FAM83G: variants seen among roughly 807,000 people sequenced by gnomAD.
FAM83G encodes the protein scaffolding CK1 anchoring protein G.
A neutral mutation model predicts 61.5 loss-of-function variants in FAM83G; 38 were observed. That is an observed-to-expected ratio of 0.62 (90% confidence interval 0.48 to 0.81). The LOEUF (loss-of-function observed/expected upper bound fraction) is 0.81. Among genes scored for constraint, FAM83G ranks in the 30% least tolerant of loss-of-function variants. FAM83G has a pLI of 0.00. For missense variants in FAM83G, 989 were observed against 1,133.6 expected (o/e 0.87, Z 1.83); for synonymous variants, 470 against 476.1 (o/e 0.99, Z 0.17).
intron 2 of FAM83G, among the ~76,000 whole-genome samples, chr17:18,991,047 G>T (rs1257277582): frequency 6.6e-6 from 1 of 152,100 alleles, no homozygotes; most frequent in African/African-American, 2.4e-5. Context: ...CTGTTACCTT[G>T]TTCAGGCCTC....
Position 19,004,120 on chromosome 17 carries a change from G to T in FAM83G, c.-79C>A. On this transcript the variant is annotated 5_prime_UTR_variant, in exon 2 of 6. Coordinates refer to ENST00000388995, the MANE Select transcript of FAM83G (RefSeq NM_001039999.3). The surrounding 1 kb of genome is among the most constrained non-coding windows in gnomAD (Gnocchi z 5.4). ...CTAGCTCCGGCCCAGCTGGGGCACC[G>T]CGCGCTCGGGGGCCTCTCCGCGGCC... 1 of 1,413,132 alleles carries T rather than the reference G, an allele frequency of 7.1e-7. No individual in the cohort carries two copies. The highest frequency in any genetic ancestry group is 1.4e-5 in the South Asian group (1 of 72,162). The allele number at this position is 1,413,132 out of a possible 1,614,324, so 87.5% of individuals were successfully genotyped here. A position where few individuals can be genotyped will look rare whatever the true frequency, so the allele number is the denominator to read the frequency against.
chr17:18,999,879 C>T (rs1041054626), intron 2 of FAM83G, among the ~76,000 whole-genome samples: 3 of 152,244 alleles, frequency 2.0e-5, no homozygotes, highest in African/African-American at 7.2e-5. Context: ...GTGATCTGTC[C>T]CTGCCCTGGG....
At position 18,979,625 on chromosome 17, in the gene FAM83G, C is replaced by T. The variant is rs780984602; in HGVS notation, c.739G>A (p.Ala247Thr). Residue 247 changes from alanine to threonine, a missense_variant, in exon 4 of 6, where the codon GCA becomes ACA. Coordinates refer to ENST00000388995, the MANE Select transcript of FAM83G (RefSeq NM_001039999.3). ...GCCAGGGCACCCTTGAACTTGGTTG[C>T]CGACCGCGTGAAGAACTCAGTTCCC... ...SGGTEFFTRS[A>T]TKFKGALAQK... 1.9e-6 allele frequency: 3 copies of T among 1,613,514 alleles called. No individual in the cohort carries two copies. The highest frequency in any genetic ancestry group is 3.3e-5 in the Admixed American group (2 of 60,016).
At chr17:18,999,439 C>T (rs8076985) in intron 2 of FAM83G, among the ~76,000 whole-genome samples, 9,614 of 152,150 alleles carry the variant, frequency 0.063, 1,012 homozygotes, top group African/African-American at 0.22. Flanking sequence ...CTGGGGGTCT[C>T]GGCCCAGTCC....
At chr17:18,982,350 G>A (rs1567794136) in intron 3 of FAM83G, among the ~76,000 whole-genome samples, 1 of 152,208 alleles carries the variant, frequency 6.6e-6, no homozygotes, top group African/African-American at 2.4e-5. Flanking sequence ...CCCACCCCAC[G>A]GGGCCTGGCC....
At chr17:18,997,181 G>C (rs1044356043) in intron 2 of FAM83G, among the ~76,000 whole-genome samples, 1 of 152,256 alleles carries the variant, frequency 6.6e-6, no homozygotes, top group African/African-American at 2.4e-5. Flanking sequence ...ATCATGCCCA[G>C]AGCGCTCTGA....
chr17:18,982,195 G>A (rs1368205036), intron 3 of FAM83G, among the ~76,000 whole-genome samples: 1 of 152,244 alleles, frequency 6.6e-6, no homozygotes, highest in African/African-American at 2.4e-5. Flanking sequence ...CCCTTGCTGG[G>A]CCTTAGTCTC....
At chr17:18,987,170 A>G (rs767482669) in intron 3 of FAM83G, among the ~76,000 whole-genome samples, 6 of 152,212 alleles carry the variant, frequency 3.9e-5, no homozygotes, top group Admixed American at 6.5e-5. Context: ...TCCTAGGACC[A>G]CAAGCCTGAA....
At position 18,977,736 on chromosome 17, in the gene FAM83G, G is replaced by A. The variant is rs367677167; in HGVS notation, c.1930C>T (p.Pro644Ser). The A allele has an allele frequency of 5.0e-6, 8 of 1,607,770 alleles. No homozygotes were observed. In the African/African-American group the frequency reaches 8.0e-5, roughly 16 times the overall value. The change falls in exon 5 of 6, where the codon CCA (proline) becomes TCA (serine). Residue 644 changes from proline to serine, a missense_variant. Transcript: ENST00000388995. Reference sequence around the variant, plus strand: ...GGGGCACTCAGCTGCCGGCGCGGTGGTGGGGTTGGCCCGTTGGCCACTTGC... The same window carrying A: ...GGGGCACTCAGCTGCCGGCGCGGTGATGGGGTTGGCCCGTTGGCCACTTGC... ...SEQVANGPTP[P>S]PRRQLSAPHI...
chr17:18,986,702 C>T (rs1003089080), intron 3 of FAM83G, among the ~76,000 whole-genome samples: 1 of 152,210 alleles, frequency 6.6e-6, no homozygotes, highest in African/African-American at 2.4e-5. Flanking sequence ...GGTTAGGGTC[C>T]CTGCTCCAAA....
Position 18,979,646 on chromosome 17 carries a change from T to C in FAM83G, c.718A>G (p.Thr240Ala), listed in dbSNP as rs1663405682. The C allele has an allele frequency of 2.5e-6, 4 of 1,613,412 alleles. No individual in the cohort carries two copies. The highest frequency in any genetic ancestry group is 3.4e-6 in the Non-Finnish European group (4 of 1,179,938). The change falls in exon 4 of 6, where the codon ACT becomes GCT. Residue 240 changes from threonine (T) to alanine (A), a missense_variant. This residue lies in a region of FAM83G where 371 missense variants were observed against 404.5 expected (regional missense o/e 0.92). Coordinates refer to ENST00000388995, the MANE Select transcript of FAM83G (RefSeq NM_001039999.3). ...KNLRVRSSGG[T>A]EFFTRSATKF... ...GTTGCCGACCGCGTGAAGAACTCAG[T>C]TCCCCCGCTGCTCCGCACTCTGAGA...
rs1171278133 is a variant in FAM83G at position 18,968,840 on chromosome 17, CCT to C, written c.*2517_*2518del. The C allele has an allele frequency of 5.2e-6, 3 of 575,156 alleles. No homozygotes were observed. The highest frequency in any genetic ancestry group is 9.3e-6 in the Non-Finnish European group (3 of 324,208). The allele number at this position is 575,156 out of a possible 1,614,324, so 35.6% of individuals were successfully genotyped here. A position where few individuals can be genotyped will look rare whatever the true frequency, so the allele number is the denominator to read the frequency against. Reference sequence around the variant, plus strand: ...GACTTTATTAGCAACAGTAATGTCCCCTGACATCCGCACAAGCTTGTAGCTCC... The same window carrying C: ...GACTTTATTAGCAACAGTAATGTCCCGACATCCGCACAAGCTTGTAGCTCC... On this transcript the variant is annotated 3_prime_UTR_variant, in exon 6 of 6. Coordinates refer to ENST00000388995, the MANE Select transcript of FAM83G (RefSeq NM_001039999.3). The surrounding 1 kb of genome is among the most constrained non-coding windows in gnomAD (Gnocchi z 4.1).
intron 5 of FAM83G, among the ~76,000 whole-genome samples, chr17:18,973,856 C>T (rs1287635646): frequency 1.3e-5 from 2 of 149,268 alleles, no homozygotes; most frequent in East Asian, 3.9e-4. Context: ...TGCCACCACA[C>T]TCGGCTAATT....
chr17:18,979,767 C>T (rs2043082619), intron 3 of FAM83G, 94 bp from the exon 4 acceptor site: 1 of 1,440,494 alleles, frequency 6.9e-7, no homozygotes, highest in African/African-American at 1.4e-5. Context: ...TCAGAGGGGA[C>T]TCTGGAGTAG....
In FAM83G at chr17:18,978,092, C is replaced by T; in HGVS notation, c.1574G>A (p.Trp525Ter). ...TTCCTCTTTGGGGAGCTCCAGGACC[C>T]AGCCAATATCACTGCTGTCCCGGGC... is the stretch of plus-strand genomic sequence containing the variant. ...VLARDSSDIG[W>*]VLELPKEEAP... is the part of the protein sequence containing the mutation. Residue 525 changes from tryptophan to a stop codon, truncating the protein, a stop_gained, in exon 5 of 6, where the codon TGG (tryptophan) becomes TAG (stop). Coordinates refer to ENST00000388995, the MANE Select transcript of FAM83G (RefSeq NM_001039999.3). LOFTEE classifies it high-confidence loss of function. 2 of 1,516,034 alleles carry T rather than the reference C, an allele frequency of 1.3e-6. No individual in the cohort carries two copies. Among genetic ancestry groups the T allele is most frequent in the Non-Finnish European group, 1.8e-6 (2 of 1,135,842 alleles). 93.9% of individuals were successfully genotyped at this position (1,516,034 alleles called of 1,614,324 possible).
At position 18,977,844 on chromosome 17, in the gene FAM83G, G is replaced by A. The variant is rs1212811913; in HGVS notation, c.1822C>T (p.Arg608Trp). The part of the protein sequence containing the change: ...GSSGRGPGPR[R>W]PSVASSVSEE... ...GACACAGAGGAAGCCACTGAGGGCC[G>A]TCGGGGGCCAGGGCCACGGCCGGAG... The change falls in exon 5 of 6, where the codon CGG (arginine) becomes TGG (tryptophan). Residue 608 changes from arginine to tryptophan, a missense_variant. Physicochemically the swap from Arg to Trp is moderately radical, Grantham distance 101. Around this residue, in one of 3 missense-constraint regions of FAM83G, gnomAD observed 574 missense variants for 645.1 expected, o/e 0.89. Coordinates refer to ENST00000388995, the MANE Select transcript of FAM83G (RefSeq NM_001039999.3). 4 of 1,610,778 alleles carry A rather than the reference G, an allele frequency of 2.5e-6. No individual in the cohort carries two copies. The highest frequency in any genetic ancestry group is 1.7e-5 in the Admixed American group (1 of 59,904).
At chr17:18,984,752 C>G (rs1452201009) in intron 3 of FAM83G, among the ~76,000 whole-genome samples, 1 of 152,228 alleles carries the variant, frequency 6.6e-6, no homozygotes, top group East Asian at 1.9e-4. Context: ...AGTATCACCC[C>G]CAAAAGCAGC....
At chr17:18,979,132 C>G in intron 4 of FAM83G, 1 of 542,970 alleles carries the variant, frequency 1.8e-6, no homozygotes, top group South Asian at 2.2e-5. Flanking sequence ...GCCCTGGACA[C>G]TGTGGGGGGT....
intron 3 of FAM83G, among the ~76,000 whole-genome samples, chr17:18,981,984 C>T (rs1371886976): frequency 6.6e-6 from 1 of 152,240 alleles, no homozygotes; most frequent in Non-Finnish European, 1.5e-5. Flanking sequence ...CCTGGCCCGG[C>T]CACAGACCCC....
Sources: allele counts gnomAD v4.1 joint callset (sites outside exome capture counted in the v4.1 genomes callset), GRCh38; gene constraint gnomAD v4.1.1; regional missense constraint gnomAD v4.1.1; non-coding constraint Gnocchi (gnomAD v3.1); transcripts MANE v1.5; gene names NCBI Gene and HGNC (gene_info 2026-07-23, HGNC 2026-07-21).